ZDHHC17: variants seen among roughly 807,000 people sequenced by gnomAD.
ZDHHC17 encodes zDHHC palmitoyltransferase 17.
In ZDHHC17, 40 loss-of-function variants were observed where a neutral mutation model predicts 90.3. That is an observed-to-expected ratio of 0.44 (90% CI 0.34 to 0.58). ZDHHC17 has a LOEUF of 0.58. Ranked by LOEUF, ZDHHC17 falls within the 20% of genes least tolerant of loss-of-function variation. The pLI is 0.01. For missense variants in ZDHHC17, 614 were observed against 780.8 expected, an observed-to-expected ratio of 0.79 and a Z score of 2.55; for synonymous variants, 235 against 252.4, an observed-to-expected ratio of 0.93 and a Z score of 0.65.
At chr12:76,785,247 A>G (rs1952671490) in intron 1 of ZDHHC17, among the ~76,000 whole-genome samples, 2 of 152,178 alleles carry the variant, frequency 1.3e-5, no homozygotes, top group African/African-American at 4.8e-5. Flanking sequence ...CAGGACCTTC[A>G]GTTTTTTAGG....
intron 2 of ZDHHC17, among the ~76,000 whole-genome samples, chr12:76,805,116 T>C (rs897020112): frequency 1.3e-5 from 2 of 152,198 alleles, no homozygotes; most frequent in African/African-American, 4.8e-5. Flanking sequence ...TACATTCTTA[T>C]AAGTGAGACA....
At chr12:76,825,465 C>T (rs139614609) in intron 8 of ZDHHC17, among the ~76,000 whole-genome samples, 1 of 152,118 alleles carries the variant, frequency 6.6e-6, no homozygotes, top group East Asian at 1.9e-4. Context: ...TTTATGTACC[C>T]ATACACTCTC....
chr12:76,808,023 A>G (rs1419490497), intron 3 of ZDHHC17, among the ~76,000 whole-genome samples: 1 of 152,226 alleles, frequency 6.6e-6, no homozygotes, highest in Middle Eastern at 3.2e-3. Context: ...ACCATTTTGC[A>G]TGATAGAGTG....
rs1365446253 is a variant in ZDHHC17 at position 76,849,230 on chromosome 12, G to A, written c.1666-146G>A. ...GGGTGGGGGTTTTGGGGTGGGGGGA[G>A]GTGGCGGGGGTGGAATCACTTGAGC... On this transcript the variant is annotated intron_variant, in intron 15 of 16. Coordinates refer to ENST00000426126, the MANE Select transcript of ZDHHC17 (RefSeq NM_015336.4). 7 of 431,392 alleles carry A rather than the reference G, an allele frequency of 1.6e-5. No individual in the cohort carries two copies. The East Asian group carries it at 2.7e-4, about 17-fold the overall frequency. The allele number at this position is 431,392 out of a possible 1,614,324, so 26.7% of individuals were successfully genotyped here.
intron 1 of ZDHHC17, among the ~76,000 whole-genome samples, chr12:76,791,138 G>A (rs528621206): frequency 6.6e-6 from 1 of 152,150 alleles, no homozygotes; most frequent in African/African-American, 2.4e-5. Context: ...GTTTCAGGTA[G>A]GTTGTAAGAG....
At chr12:76,772,195 A>G (rs942988070) in intron 1 of ZDHHC17, among the ~76,000 whole-genome samples, 3 of 152,338 alleles carry the variant, frequency 2.0e-5, no homozygotes, top group South Asian at 4.1e-4. Context: ...TTATAGCACA[A>G]TACAGTATGA....
At chr12:76,765,958 A>C (rs888845508) in intron 1 of ZDHHC17, among the ~76,000 whole-genome samples, 1 of 152,160 alleles carries the variant, frequency 6.6e-6, no homozygotes, top group Non-Finnish European at 1.5e-5. Flanking sequence ...CACCTTAGCT[A>C]CTTAAAGTGC....
intron 10 of ZDHHC17, among the ~76,000 whole-genome samples, chr12:76,840,661 A>C (rs1334310188): frequency 1.3e-5 from 2 of 152,124 alleles, no homozygotes; most frequent in Non-Finnish European, 2.9e-5. Flanking sequence ...AAAATTTTAA[A>C]ATTAGCTCGT....
intron 2 of ZDHHC17, among the ~76,000 whole-genome samples, chr12:76,799,093 T>C (rs1039392469): frequency 2.0e-5 from 3 of 152,030 alleles, no homozygotes; most frequent in African/African-American, 4.8e-5. Context: ...GATATAGTCA[T>C]GCCAATACAC....
chr12:76,837,589 A>C (rs1953383485), intron 10 of ZDHHC17, among the ~76,000 whole-genome samples: 1 of 152,156 alleles, frequency 6.6e-6, no homozygotes. Flanking sequence ...TGTCCCTCAG[A>C]TTTTCTTAAT....
intron 10 of ZDHHC17, among the ~76,000 whole-genome samples, chr12:76,829,349 C>A (rs766679254): frequency 1.0e-4 from 15 of 147,954 alleles, no homozygotes; most frequent in Non-Finnish European, 1.9e-4. Flanking sequence ...CCCAGCTACT[C>A]GGGAGGCTGA....
chr12:76,824,115 T>G (rs1953202046), intron 8 of ZDHHC17, among the ~76,000 whole-genome samples: 1 of 152,140 alleles, frequency 6.6e-6, no homozygotes, highest in African/African-American at 2.4e-5. Context: ...CATATAGTCA[T>G]AAATGACTTA....
chr12:76,770,529 T>C (rs1026695665), intron 1 of ZDHHC17, among the ~76,000 whole-genome samples: 10 of 151,792 alleles, frequency 6.6e-5, no homozygotes, highest in African/African-American at 2.4e-4. Context: ...TGAGGGAGAG[T>C]GTGTCTGTGT....
chr12:76,797,994 T>C (rs1952842917), intron 2 of ZDHHC17, among the ~76,000 whole-genome samples: 1 of 151,108 alleles, frequency 6.6e-6, no homozygotes, highest in Non-Finnish European at 1.5e-5. Context: ...TTTAGTTTAT[T>C]TCCCATTGGA....
At chr12:76,846,706 T>G in intron 14 of ZDHHC17, 27 bp downstream of exon 14, 1 of 1,545,872 alleles carries the variant, frequency 6.5e-7, no homozygotes, top group African/African-American at 1.4e-5. Flanking sequence ...TTCGGTCTTT[T>G]TAAAACAAAT....
intron 1 of ZDHHC17, among the ~76,000 whole-genome samples, chr12:76,792,583 A>G (rs991489066): frequency 6.6e-6 from 1 of 152,050 alleles, no homozygotes; most frequent in African/African-American, 2.4e-5. Flanking sequence ...CCTGTCTACT[A>G]TCTGCTACCT....
At position 76,823,775 on chromosome 12, in the gene ZDHHC17, C is replaced by T. The variant is rs78810899; in HGVS notation, c.897+1244C>T. Among the ~76,000 whole-genome samples, 886 of 152,230 alleles carry T rather than the reference C, an allele frequency of 5.8e-3. 19 individuals are homozygous for T. Among genetic ancestry groups the T allele is most frequent in the Admixed American group, 0.034 (522 of 15,278 alleles). ...TAATCAGTTGAAAAGTCCCCTGGTC[C>T]GTTACTTAGAAGAATTAGATTCATA... is the stretch of plus-strand genomic sequence containing the variant. On this transcript the variant is annotated intron_variant, in intron 8 of 16. Coordinates refer to ENST00000426126, the MANE Select transcript of ZDHHC17 (RefSeq NM_015336.4).
At chr12:76,829,101 G>A (rs1240068643) in intron 10 of ZDHHC17, among the ~76,000 whole-genome samples, 1 of 152,140 alleles carries the variant, frequency 6.6e-6, no homozygotes, top group Non-Finnish European at 1.5e-5. Flanking sequence ...GAACGCTGTT[G>A]GTGGGAATGT....
chr12:76,816,160 A>G, intron 7 of ZDHHC17, 141 bp downstream of exon 7: 1 of 535,712 alleles, frequency 1.9e-6, no homozygotes, highest in Non-Finnish European at 3.0e-6. Flanking sequence ...ATTATGCATA[A>G]TACATTTTAA....
Sources: allele counts gnomAD v4.1 joint callset (sites outside exome capture counted in the v4.1 genomes callset), GRCh38; gene constraint gnomAD v4.1.1; transcripts MANE v1.5; gene names NCBI Gene and HGNC (gene_info 2026-07-23, HGNC 2026-07-21).